The following CNTNAP2 variants were observed in gnomAD, a reference collection of about 807,000 sequenced individuals.
CNTNAP2 encodes contactin-associated protein-like 2.
A neutral mutation model predicts 155.2 loss-of-function variants in CNTNAP2; 98 were observed. The ratio of observed to expected loss-of-function variants is 0.63; its 90% confidence interval spans 0.54 to 0.75. CNTNAP2 has a LOEUF of 0.75. CNTNAP2 is among the 30% of genes least tolerant of loss of function. The pLI is 0.00. For missense variants in CNTNAP2, 1,727 were observed against 1,688.1 expected (o/e 1.02, Z -0.40); for synonymous variants, 651 against 631.2 (o/e 1.03, Z -0.47).
At chr7:147,140,842 T>C (rs952522959) in intron 8 of CNTNAP2, among the ~76,000 whole-genome samples, 1 of 152,094 alleles carries the variant, frequency 6.6e-6, no homozygotes, top group South Asian at 2.1e-4. Context: ...CTGGAGCTCA[T>C]TGGTAGTTAT....
At chr7:147,483,457 G>A (rs960359466) in intron 10 of CNTNAP2, among the ~76,000 whole-genome samples, 1 of 152,062 alleles carries the variant, frequency 6.6e-6, no homozygotes, top group Non-Finnish European at 1.5e-5. Context: ...TTTTGCATGC[G>A]TGTAAGAACA....
chr7:146,607,912 T>A (rs559492805), intron 1 of CNTNAP2, among the ~76,000 whole-genome samples: 3 of 152,216 alleles, frequency 2.0e-5, no homozygotes, highest in African/African-American at 7.2e-5. Flanking sequence ...TCCTTCAAGT[T>A]TACCATGCCT....
At chr7:146,377,315 C>G (rs1030935660) in intron 1 of CNTNAP2, among the ~76,000 whole-genome samples, 1 of 152,178 alleles carries the variant, frequency 6.6e-6, no homozygotes, top group Non-Finnish European at 1.5e-5. Context: ...ACATGCTTCT[C>G]GTTTTCTCCC....
intron 10 of CNTNAP2, among the ~76,000 whole-genome samples, chr7:147,435,815 C>A (rs1259621831): frequency 6.6e-6 from 1 of 152,170 alleles, no homozygotes; most frequent in Admixed American, 6.5e-5. Flanking sequence ...GGAATAATAG[C>A]ACCTATTGCT....
At chr7:146,723,064 C>T (rs928429614) in intron 1 of CNTNAP2, among the ~76,000 whole-genome samples, 9 of 151,984 alleles carry the variant, frequency 5.9e-5, no homozygotes, top group African/African-American at 1.9e-4. Context: ...AACCCTACTC[C>T]CTGTGAATGT....
At chr7:147,228,786 C>T (rs1225338878) in intron 8 of CNTNAP2, among the ~76,000 whole-genome samples, 1 of 146,688 alleles carries the variant, frequency 6.8e-6, no homozygotes, top group Admixed American at 6.8e-5. Flanking sequence ...AGGTATTTCT[C>T]CTAATGTTAT....
intron 1 of CNTNAP2, among the ~76,000 whole-genome samples, chr7:146,541,004 C>T (rs1484356755): frequency 6.6e-6 from 1 of 151,934 alleles, no homozygotes; most frequent in Non-Finnish European, 1.5e-5. Flanking sequence ...ATTTTTCTGA[C>T]TCTAAGAAAC....
At chr7:147,582,933 G>A (rs1000305807) in intron 12 of CNTNAP2, among the ~76,000 whole-genome samples, 13 of 152,048 alleles carry the variant, frequency 8.5e-5, no homozygotes, top group South Asian at 2.1e-4. Context: ...TTGTGATATC[G>A]TTTTTGTTAC....
At chr7:146,779,356 G>A (rs1250762521) in intron 2 of CNTNAP2, among the ~76,000 whole-genome samples, 1 of 152,062 alleles carries the variant, frequency 6.6e-6, no homozygotes, top group Non-Finnish European at 1.5e-5. Context: ...TACATCATTA[G>A]GTTCTAAAGT....
At chr7:147,229,307 A>T (rs527696287) in intron 8 of CNTNAP2, among the ~76,000 whole-genome samples, 1 of 152,256 alleles carries the variant, frequency 6.6e-6, no homozygotes, top group Non-Finnish European at 1.5e-5. Context: ...TAAACTCCTT[A>T]GTCAATCTTT....
chr7:146,394,853 C>T (rs989027050), intron 1 of CNTNAP2, among the ~76,000 whole-genome samples: 2 of 152,066 alleles, frequency 1.3e-5, no homozygotes, highest in African/African-American at 2.4e-5. Context: ...CCCAGAACAG[C>T]GTACATTGTA....
intron 1 of CNTNAP2, among the ~76,000 whole-genome samples, chr7:146,279,216 C>CT (rs1464155139): frequency 6.6e-6 from 1 of 151,988 alleles, no homozygotes; most frequent in African/African-American, 2.4e-5. Flanking sequence ...ATGTTGTTGT[C>CT]TTTGTTGTGT....
intron 8 of CNTNAP2, among the ~76,000 whole-genome samples, chr7:147,287,313 A>T (rs1805202512): frequency 6.6e-6 from 1 of 152,078 alleles, no homozygotes; most frequent in Non-Finnish European, 1.5e-5. Flanking sequence ...ACCTGATCAG[A>T]TATCATCGGG....
chr7:146,879,924 C>T (rs556335994), intron 3 of CNTNAP2, among the ~76,000 whole-genome samples: 4 of 152,108 alleles, frequency 2.6e-5, no homozygotes, highest in Non-Finnish European at 5.9e-5. Context: ...GCAAAAGGCA[C>T]ATCTTACATG....
At chr7:146,311,777 T>G (rs1306566787) in intron 1 of CNTNAP2, 1 of 151,456 alleles carries the variant, frequency 6.6e-6, no homozygotes, top group Non-Finnish European at 1.5e-5. Flanking sequence ...TTACAGAGAT[T>G]TATTTGTCCC....
At chr7:147,192,764 T>C (rs1802705898) in intron 8 of CNTNAP2, among the ~76,000 whole-genome samples, 1 of 152,224 alleles carries the variant, frequency 6.6e-6, no homozygotes, top group African/African-American at 2.4e-5. Context: ...TCAGTGTCGT[T>C]TGGCATTTTG....
intron 8 of CNTNAP2, among the ~76,000 whole-genome samples, chr7:147,191,080 A>T (rs1216629563): frequency 6.6e-6 from 1 of 152,288 alleles, no homozygotes; most frequent in East Asian, 1.9e-4. Context: ...GGGCTGTAAA[A>T]TGACTCACCA....
chr7:147,964,622 A>G (rs1801174704), intron 14 of CNTNAP2, among the ~76,000 whole-genome samples: 1 of 152,188 alleles, frequency 6.6e-6, no homozygotes, highest in Admixed American at 6.5e-5. Context: ...TGAGTTTTTC[A>G]CTGGTCAAAA....
chr7:148,345,454 C>A (rs1798309415), intron 21 of CNTNAP2, among the ~76,000 whole-genome samples: 1 of 152,118 alleles, frequency 6.6e-6, no homozygotes, highest in African/African-American at 2.4e-5. Context: ...CCTCTGCCTC[C>A]CAGGTTCAAG....
Sources: gnomAD v4.1 joint callset for allele counts (sites outside exome capture counted in the v4.1 genomes callset) on GRCh38, gnomAD v4.1.1 for gene constraint, MANE v1.5 for transcripts, NCBI Gene and HGNC (gene_info 2026-07-23, HGNC 2026-07-21) for gene names.